LRRC7: variants seen among roughly 807,000 people sequenced by gnomAD.
LRRC7 encodes the protein leucine-rich repeat-containing protein 7.
LRRC7 carries 23 observed loss-of-function variants against 175.7 expected under a neutral mutation model. The observed-to-expected ratio is 0.13, with a 90% CI of 0.09 to 0.19. The LOEUF is 0.19. LRRC7 is among the 10% of genes least tolerant of loss of function. The probability of loss-of-function intolerance (pLI) is 1.00; values close to 1 mark genes in which losing one functional copy is unlikely to be tolerated. For synonymous variants in LRRC7, 685 were observed against 680.9 expected (o/e 1.01, Z -0.09); for missense variants, 1,354 against 1,904.7 (o/e 0.71, Z 5.38).
chr1:70,041,562 G>A (rs1659896183), intron 21 of LRRC7, among the ~76,000 whole-genome samples: 1 of 152,156 alleles, frequency 6.6e-6, no homozygotes. Flanking sequence ...AAATATTTGG[G>A]GCCAAATAAT....
At chr1:69,936,748 A>G (rs1191117999) in intron 8 of LRRC7, among the ~76,000 whole-genome samples, 1 of 152,054 alleles carries the variant, frequency 6.6e-6, no homozygotes, top group Non-Finnish European at 1.5e-5. Flanking sequence ...GGACCCCAGT[A>G]TCTATTATTT....
chr1:70,059,310 A>C, intron 23 of LRRC7, among the ~76,000 whole-genome samples: 1 of 152,126 alleles, frequency 6.6e-6, no homozygotes, highest in East Asian at 1.9e-4. Flanking sequence ...GGCTTTAAAA[A>C]TTTGCTGATT....
chr1:69,708,085 C>G (rs1018091569), intron 2 of LRRC7, among the ~76,000 whole-genome samples: 3 of 152,130 alleles, frequency 2.0e-5, no homozygotes, highest in African/African-American at 7.2e-5. Flanking sequence ...CCTTATCTGG[C>G]ATTCTTAGAA....
chr1:70,074,221 A>C (rs1356964818), intron 23 of LRRC7, among the ~76,000 whole-genome samples: 1 of 151,072 alleles, frequency 6.6e-6, no homozygotes, highest in African/African-American at 2.4e-5. Context: ...AAAAAAAAAT[A>C]CATCCGATCA....
At chr1:70,022,119 A>G (rs913203387) in intron 16 of LRRC7, 13 of 152,210 alleles carry the variant, frequency 8.5e-5, no homozygotes, top group African/African-American at 3.1e-4. Flanking sequence ...TGGATTCCCA[A>G]ATCCAAAATA....
At chr1:69,880,455 T>C (rs929706719) in intron 7 of LRRC7, among the ~76,000 whole-genome samples, 7 of 152,158 alleles carry the variant, frequency 4.6e-5, no homozygotes, top group African/African-American at 1.7e-4. Flanking sequence ...AGTTTTGGTG[T>C]GCTATGCAGT....
chr1:69,755,031 G>A (rs537622755), intron 2 of LRRC7, among the ~76,000 whole-genome samples: 2 of 152,000 alleles, frequency 1.3e-5, no homozygotes, highest in Middle Eastern at 3.4e-3. Flanking sequence ...AAAACTGAAA[G>A]GGAAGAACCA....
At chr1:69,871,362 G>T (rs1300544310) in intron 7 of LRRC7, among the ~76,000 whole-genome samples, 1 of 151,954 alleles carries the variant, frequency 6.6e-6, no homozygotes, top group East Asian at 1.9e-4. Flanking sequence ...AAGATCAAAT[G>T]ATATGGCAGA....
intron 24 of LRRC7, among the ~76,000 whole-genome samples, chr1:70,080,884 A>AT (rs1455626485): frequency 6.6e-6 from 1 of 152,198 alleles, no homozygotes; most frequent in African/African-American, 2.4e-5. Context: ...CACATGGAAA[A>AT]CCCTTCATCA....
At chr1:69,831,312 T>C (rs974390798) in intron 5 of LRRC7, among the ~76,000 whole-genome samples, 27 of 152,174 alleles carry the variant, frequency 1.8e-4, no homozygotes, top group African/African-American at 5.3e-4. Context: ...TAAATTCCAA[T>C]TGAAATGTAT....
chr1:69,791,124 G>C (rs1259537810), intron 3 of LRRC7, among the ~76,000 whole-genome samples: 1 of 151,946 alleles, frequency 6.6e-6, no homozygotes. Flanking sequence ...AAACAGAAAA[G>C]ATCTCATTAA....
At chr1:69,714,223 C>T (rs922796474) in intron 2 of LRRC7, among the ~76,000 whole-genome samples, 1 of 152,132 alleles carries the variant, frequency 6.6e-6, no homozygotes, top group East Asian at 1.9e-4. Flanking sequence ...CCAACAATAT[C>T]TAGTCTCCCT....
At chr1:69,761,253 A>C (rs1446984100) in intron 3 of LRRC7, among the ~76,000 whole-genome samples, 2 of 152,044 alleles carry the variant, frequency 1.3e-5, no homozygotes, top group Non-Finnish European at 1.5e-5. Flanking sequence ...TCATGCACTC[A>C]ATTTCTGTTG....
chr1:69,837,823 T>C (rs986544793), intron 6 of LRRC7, among the ~76,000 whole-genome samples: 1 of 150,744 alleles, frequency 6.6e-6, no homozygotes, highest in African/African-American at 2.4e-5. Flanking sequence ...CTACTCATAA[T>C]CAATATATAT....
At chr1:69,772,169 G>A (rs1344189690) in intron 3 of LRRC7, among the ~76,000 whole-genome samples, 2 of 152,096 alleles carry the variant, frequency 1.3e-5, no homozygotes, top group East Asian at 1.9e-4. Context: ...TAAAATAAAG[G>A]AGGGGAATTG....
At chr1:69,608,926 T>TTA (rs1262426972) in intron 1 of LRRC7, among the ~76,000 whole-genome samples, 26 of 102,480 alleles carry the variant, frequency 2.5e-4, no homozygotes, top group Middle Eastern at 5.1e-3. Flanking sequence ...ATATATAAAA[T>TTA]TATATATATA....
In LRRC7 at chr1:70,043,978, G is replaced by A. The variant is rs780113444; in HGVS notation, c.3994G>A (p.Val1332Ile). Residue 1332 changes from valine to isoleucine, a missense_variant, in exon 22 of 27, where the codon GTT (valine) becomes ATT (isoleucine). Val to Ile is a conservative substitution (Grantham distance 29, BLOSUM62 3). Around this residue, in one of 4 missense-constraint regions of LRRC7, gnomAD observed 1,032 missense variants for 1,227.2 expected, o/e 0.84. Coordinates refer to ENST00000651989, the MANE Select transcript of LRRC7 (RefSeq NM_001370785.2). ...DRNAAYKHNT[V>I]NLGMLPYGGI... ...GAATGCTGCTTACAAACACAATACA[G>A]TTAACCTTGGCATGCTGCCCTATGG... 1 of 1,612,854 alleles carries A rather than the reference G, an allele frequency of 6.2e-7. No homozygotes were observed.
chr1:70,132,611 A>G lies in LRRC7; in HGVS notation c.*10724A>G, dbSNP rs1666715807. On this transcript the variant is annotated 3_prime_UTR_variant, in exon 27 of 27. Transcript: ENST00000651989. ...CTCAGCCTCCCGAGTAGCTGGGATT[A>G]CAGGCGCCTGCCACTGCACCCGGCT... 6.6e-6 allele frequency among the ~76,000 whole-genome samples: 1 copy of G among 151,662 alleles called. No individual in the cohort carries two copies. The highest frequency in any genetic ancestry group is 1.5e-5 in the Non-Finnish European group (1 of 67,908).
chr1:69,718,136 A>AAGAG (rs60491343), intron 2 of LRRC7, among the ~76,000 whole-genome samples: 2 of 79,662 alleles, frequency 2.5e-5, no homozygotes, highest in African/African-American at 5.9e-5. Flanking sequence ...AAAAGAAAGA[A>AAGAG]AGAGAGAGAA....
Sources: gnomAD v4.1 joint callset for allele counts (sites outside exome capture counted in the v4.1 genomes callset) on GRCh38, gnomAD v4.1.1 for gene constraint, gnomAD v4.1.1 regional missense constraint, MANE v1.5 for transcripts, NCBI Gene and HGNC (gene_info 2026-07-23, HGNC 2026-07-21) for gene names.